Variants in LYPD2 observed in about 807,000 individuals in gnomAD.
LYPD2 encodes ly6/PLAUR domain-containing protein 2.
A neutral mutation model predicts 7.1 loss-of-function variants in LYPD2; 5 were observed. The observed-to-expected ratio is 0.70, with a 90% CI of 0.37 to 1.48. The LOEUF (loss-of-function observed/expected upper bound fraction) is 1.48, where lower values mean the gene tolerates loss of function less well. Ranked by LOEUF, LYPD2 falls within the 40% of genes most tolerant of loss-of-function variation. The pLI, the probability that LYPD2 is intolerant of heterozygous loss-of-function variation, is 0.03. For missense variants in LYPD2, 177 were observed against 171.0 expected (o/e 1.04, Z -0.20); for synonymous variants, 78 against 82.0 (o/e 0.95, Z 0.26).
Position 142,751,032 on chromosome 8 carries a change from G to T in LYPD2, c.178+19C>A, listed in dbSNP as rs777853867. On this transcript the variant is annotated intron_variant, in intron 2 of 2. Transcript: ENST00000359228. ...TCTGACCGGGAACCCGGCCCTGCCC[G>T]CCTTCTGTGCCCACTGACCTATCTC... 1.2e-6 allele frequency: 2 copies of T among 1,613,906 alleles called. No homozygotes were observed. Among genetic ancestry groups the T allele is most frequent in the South Asian group, 1.1e-5 (1 of 91,066 alleles).
At chr8:142,751,788 C>A (rs1355550154) in intron 1 of LYPD2, among the ~76,000 whole-genome samples, 1 of 152,184 alleles carries the variant, frequency 6.6e-6, no homozygotes, top group Non-Finnish European at 1.5e-5. Flanking sequence ...CTGGCCAGGG[C>A]AGCCAGCTGC....
chr8:142,750,823 G>A (rs1219581246), intron 2 of LYPD2, among the ~76,000 whole-genome samples: 1 of 152,280 alleles, frequency 6.6e-6, no homozygotes, highest in Admixed American at 6.5e-5. Context: ...GGAGGGCAGA[G>A]GGAGGCCTAG....
In LYPD2 at chr8:142,751,184, A is replaced by G. The variant is rs748538292; in HGVS notation, c.59-14T>C. On this transcript the variant is annotated splice_polypyrimidine_tract_variant and intron_variant, in intron 1 of 2. Coordinates refer to ENST00000359228, the MANE Select transcript of LYPD2 (RefSeq NM_205545.3). The stretch of plus-strand genomic sequence containing the variant: ...GCAGGGCCGGCGCTGGGGAGAAGGG[A>G]CAAGGGCGGTCAGGCAGGCTCCACC... 2.5e-6 allele frequency: 4 copies of G among 1,613,284 alleles called. No individual in the cohort carries two copies. Among genetic ancestry groups the G allele is most frequent in the Non-Finnish European group, 3.4e-6 (4 of 1,179,910 alleles).
chr8:142,751,385 TGG>T (rs1479506147), intron 1 of LYPD2, among the ~76,000 whole-genome samples: 4 of 152,126 alleles, frequency 2.6e-5, no homozygotes, highest in African/African-American at 9.7e-5. Flanking sequence ...AGTCGGCTGC[TGG>T]GGGTGGGGAT....
intron 1 of LYPD2, among the ~76,000 whole-genome samples, chr8:142,751,927 G>T (rs1325926353): frequency 6.6e-6 from 1 of 152,130 alleles, no homozygotes; most frequent in African/African-American, 2.4e-5. Context: ...GCTGCTTCTG[G>T]TTGAGTCCAG....
intron 2 of LYPD2, 22 bp downstream of exon 2, chr8:142,751,029 C>T: frequency 1.2e-6 from 2 of 1,613,816 alleles, no homozygotes; most frequent in Non-Finnish European, 1.7e-6. Flanking sequence ...CCCGGCCCTG[C>T]CCGCCTTCTG....
Position 142,752,407 on chromosome 8 carries a change from G to A in LYPD2, c.45C>T (p.Ala15=). 1 of 1,613,496 alleles carries A rather than the reference G, an allele frequency of 6.2e-7. No individual in the cohort carries two copies. Residue 15 remains alanine, a synonymous_variant, in exon 1 of 3, where the codon GCC becomes GCT. Coordinates refer to ENST00000359228, the MANE Select transcript of LYPD2 (RefSeq NM_205545.3). ...RLALLALVLA[A]CGELAPALRC... ...CCCACACCTCACCCAGCTCTCCGCA[G>A]GCAGCCAGCACCAGCGCCAGGAGCG...
In LYPD2 at chr8:142,752,483, C is replaced by T. The variant is rs181564279; in HGVS notation, c.-32G>A. 268 of 1,611,220 alleles carry T rather than the reference C, an allele frequency of 1.7e-4. No homozygotes were observed. The East Asian group carries it at 3.1e-3, about 19-fold the overall frequency. ...GGCCCACTCCTCTGTGCTCTCACCCCAGGCTTGCCTGGCGGGGACAGCAGA... is the reference window on the plus strand; with the variant it reads ...GGCCCACTCCTCTGTGCTCTCACCCTAGGCTTGCCTGGCGGGGACAGCAGA... On this transcript the variant is annotated 5_prime_UTR_variant, in exon 1 of 3. Transcript: ENST00000359228.
At position 142,750,287 on chromosome 8, in the gene LYPD2, A is replaced by C. The variant is rs755317530; in HGVS notation, c.374T>G (p.Leu125Arg). The C allele has an allele frequency of 6.4e-7, 1 of 1,551,282 alleles. No individual in the cohort carries two copies. The highest frequency in any genetic ancestry group is 8.7e-7 in the Non-Finnish European group (1 of 1,147,326). The change falls in exon 3 of 3, where the codon CTG becomes CGG. Residue 125 changes from leucine to arginine, a missense_variant. Physicochemically the swap from Leu to Arg is moderately radical, Grantham distance 102 (BLOSUM62 -2). Coordinates refer to ENST00000359228, the MANE Select transcript of LYPD2 (RefSeq NM_205545.3). ...CCATGGGGGTGGGCGGGGACTCTAC[A>C]GTCGGAGGCTCAAGAGTGGGAGGAG... ...LTLLPLLSLRL is the reference protein window; with the variant it reads ...LTLLPLLSLRR
intron 1 of LYPD2, 32 bp from the exon 2 acceptor site, chr8:142,751,202 G>C (rs1168768749): frequency 1.4e-5 from 23 of 1,611,018 alleles, no homozygotes; most frequent in Non-Finnish European, 1.9e-5. Flanking sequence ...GGTCAGGCAG[G>C]CTCCACCCCT....
In LYPD2 at chr8:142,750,489, G is replaced by A; in HGVS notation, c.179-7C>T. ...TCCCCCTGGAAGGGGTACACTGTGG[G>A]GTGTGGGAAGAGTCAGCCGTCAGGG... On this transcript the variant is annotated splice_region_variant and splice_polypyrimidine_tract_variant and intron_variant, in intron 2 of 2. Coordinates refer to ENST00000359228, the MANE Select transcript of LYPD2 (RefSeq NM_205545.3). 1 of 1,573,030 alleles carries A rather than the reference G, an allele frequency of 6.4e-7. No homozygotes were observed. The highest frequency in any genetic ancestry group is 1.2e-5 in the South Asian group (1 of 85,542).
rs1319040002 is a variant in LYPD2, at chr8:142,750,412, A to T, written c.249T>A (p.Asp83Glu). Residue 83 changes from aspartate (D) to glutamate (E), a missense_variant, in exon 3 of 3, where the codon GAT (aspartate) becomes GAA (glutamate). Transcript: ENST00000359228. ...ACACGGGCAGGGTCTGGCCGATGCC[A>T]TCCACATCCGAGGGCTTACACTTGC... ...CASKCKPSDV[D>E]GIGQTLPVSC... 1 of 1,586,816 alleles carries T rather than the reference A, an allele frequency of 6.3e-7. No individual in the cohort carries two copies. Among genetic ancestry groups the T allele is most frequent in the Non-Finnish European group, 8.6e-7 (1 of 1,166,520 alleles).
At chr8:142,750,675 C>T (rs587692053) in intron 2 of LYPD2, among the ~76,000 whole-genome samples, 193 bp from the exon 3 acceptor site, 48 of 152,366 alleles carry the variant, frequency 3.2e-4, no homozygotes, top group African/African-American at 9.9e-4. Context: ...GCCAGGCACC[C>T]GGCCTGATGG....
intron 2 of LYPD2, 77 bp downstream of exon 2, chr8:142,750,974 C>T: frequency 6.3e-7 from 1 of 1,597,824 alleles, no homozygotes. Context: ...GCCCTATCTC[C>T]TGGGAGTAGA....
At position 142,752,439 on chromosome 8, in the gene LYPD2, G is replaced by T; in HGVS notation, c.13C>A (p.Arg5=). Reference sequence around the variant, plus strand: ...AGCACCAGCGCCAGGAGCGCCAGCCGCGTCCCCCGCATGGTCCCGGCCCAC... The same window carrying T: ...AGCACCAGCGCCAGGAGCGCCAGCCTCGTCCCCCGCATGGTCCCGGCCCAC... MRGT[R]LALLALVLAA... The change falls in exon 1 of 3, where the codon CGG becomes AGG. Residue 5 remains arginine (R), a synonymous_variant. Transcript: ENST00000359228. 1.9e-6 allele frequency: 3 copies of T among 1,613,418 alleles called. No homozygotes were observed. Among genetic ancestry groups the T allele is most frequent in the South Asian group, 1.1e-5 (1 of 91,062 alleles).
intron 1 of LYPD2, among the ~76,000 whole-genome samples, chr8:142,751,833 G>A (rs1444356062): frequency 6.6e-6 from 1 of 152,204 alleles, no homozygotes; most frequent in African/African-American, 2.4e-5. Flanking sequence ...CCCACTGTGG[G>A]GATGCAGCGG....
rs1814671781 is a variant in LYPD2, at chr8:142,750,215, G to C, written c.*68C>G. 2 of 1,387,946 alleles carry C rather than the reference G, an allele frequency of 1.4e-6. No homozygotes were observed. Among genetic ancestry groups the C allele is most frequent in the Non-Finnish European group, 2.0e-6 (2 of 1,010,386 alleles). The allele number at this position is 1,387,946 out of a possible 1,614,324, so 86.0% of individuals were successfully genotyped here. A position where few individuals can be genotyped will look rare whatever the true frequency, so the allele number is the denominator to read the frequency against. ...CCAGAAAGGAGACTCAGGAGTCCTG[G>C]TGCAGGGGGCACTTCTTCAAGGCAT... On this transcript the variant is annotated 3_prime_UTR_variant, in exon 3 of 3. Transcript: ENST00000359228.
Position 142,750,345 on chromosome 8 carries a change from C to T in LYPD2, c.316G>A (p.Ala106Thr), listed in dbSNP as rs587612897. Reference protein sequence around the residue: ...TELCNVDGAPALNSLHCGALT... With the variant: ...TELCNVDGAPTLNSLHCGALT... ...GCCCCGCAGTGGAGGCTGTTCAGAG[C>T]GGGCGCCCCGTCTACATTGCACAGC... The change falls in exon 3 of 3, where the codon GCT (alanine) becomes ACT (threonine). Residue 106 changes from alanine (A) to threonine (T), a missense_variant. Transcript: ENST00000359228. 22 of 1,557,466 alleles carry T rather than the reference C, an allele frequency of 1.4e-5. No homozygotes were observed. Among genetic ancestry groups the T allele is most frequent in the Middle Eastern group, 1.7e-4 (1 of 5,998 alleles).
chr8:142,751,554 TC>T (rs1459738655), intron 1 of LYPD2, among the ~76,000 whole-genome samples: 5 of 152,118 alleles, frequency 3.3e-5, no homozygotes, highest in Non-Finnish European at 7.4e-5. Context: ...CCCCTCAGTT[TC>T]CCCATCAGGG....
Sources: gnomAD v4.1 joint callset for allele counts (sites outside exome capture counted in the v4.1 genomes callset) on GRCh38, gnomAD v4.1.1 for gene constraint, MANE v1.5 for transcripts, NCBI Gene and HGNC (gene_info 2026-07-23, HGNC 2026-07-21) for gene names.